Variants in COX15 observed in about 807,000 individuals in gnomAD.
COX15 encodes the protein cytochrome c oxidase assembly factor COX15, also known as heme A synthase COX15.
COX15 carries 51 observed loss-of-function variants against 51.9 expected under a neutral mutation model. The ratio of observed to expected loss-of-function variants is 0.98; its 90% CI spans 0.78 to 1.24. The LOEUF is 1.24. COX15 is among the 50% of genes most tolerant of loss of function. COX15 has a pLI of 0.00. For missense variants in COX15, 420 were observed against 501.1 expected, an observed-to-expected ratio of 0.84 and a Z score of 1.55; for synonymous variants, 188 against 190.5, an observed-to-expected ratio of 0.99 and a Z score of 0.11.
the COX15 span, chr10:99,704,696 A>C: frequency 6.2e-7 from 1 of 1,608,368 alleles, no homozygotes. Flanking sequence ...CTGGACCAGG[A>C]CTAGAGAAGC....
At chr10:99,695,876 C>G in the COX15 span, 2 of 1,332,214 alleles carry the variant, frequency 1.5e-6, no homozygotes, top group Non-Finnish European at 2.1e-6. Flanking sequence ...GAAATGAAGC[C>G]TCGTGTATTA....
the COX15 span, chr10:99,702,518 G>A: frequency 1.3e-6 from 2 of 1,568,558 alleles, no homozygotes; most frequent in Non-Finnish European, 1.7e-6. Flanking sequence ...ACAGATATCA[G>A]TGTTTTAAAT....
chr10:99,698,748 G>A, the COX15 span: 2 of 1,614,208 alleles, frequency 1.2e-6, no homozygotes, highest in Admixed American at 1.7e-5. Context: ...ATCGCCTATT[G>A]ACTTCAACAA....
At chr10:99,728,782 G>A (rs2037042365) in intron 2 of COX15, among the ~76,000 whole-genome samples, 1 of 152,176 alleles carries the variant, frequency 6.6e-6, no homozygotes, top group South Asian at 2.1e-4. Flanking sequence ...AATCTAAACT[G>A]TGCATAACCA....
chr10:99,705,089 G>C, the COX15 span: 2 of 199,598 alleles, frequency 1.0e-5, no homozygotes, highest in South Asian at 2.0e-4. Flanking sequence ...AGACATTCTA[G>C]CAAGTGCAGC....
In COX15 at chr10:99,710,943, T is replaced by C. The variant is rs2036362284; in HGVS notation, c.*3644A>G. Reference sequence around the variant, plus strand: ...GTAAGTGCAGAGAGACCTTTGAAAATATTAAGGGAAATCTATTTAATCCTA... The same window carrying C: ...GTAAGTGCAGAGAGACCTTTGAAAACATTAAGGGAAATCTATTTAATCCTA... On this transcript the variant is annotated 3_prime_UTR_variant, in exon 9 of 9. Coordinates refer to ENST00000016171, the MANE Select transcript of COX15 (RefSeq NM_078470.6). 1.0e-6 allele frequency: 1 copy of C among 985,272 alleles called. No homozygotes were observed. Among genetic ancestry groups the C allele is most frequent in the African/African-American group, 1.7e-5 (1 of 57,240 alleles). The allele number at this position is 985,272 out of a possible 1,614,324, so 61.0% of individuals were successfully genotyped here.
At chr10:99,716,006 T>TTAA (rs1291333882) in intron 8 of COX15, among the ~76,000 whole-genome samples, 1 of 142,714 alleles carries the variant, frequency 7.0e-6, no homozygotes, top group Non-Finnish European at 1.5e-5. Context: ...TTTTTTTTTT[T>TTAA]AAACAGACAG....
chr10:99,710,387 T>C, downstream of COX15: 1 of 985,434 alleles, frequency 1.0e-6, no homozygotes, highest in Non-Finnish European at 1.2e-6. Flanking sequence ...ACTCCCCCTT[T>C]ATTTCTACCT....
intron 5 of COX15, among the ~76,000 whole-genome samples, chr10:99,723,719 ATCTTTC>A (rs999234129): frequency 3.3e-4 from 50 of 152,262 alleles, no homozygotes; most frequent in African/African-American, 1.2e-3. Context: ...CTCTGTTCTG[ATCTTTC>A]TCACTTTGCC....
the COX15 span, chr10:99,696,053 G>C: frequency 6.2e-7 from 1 of 1,614,144 alleles, no homozygotes; most frequent in Non-Finnish European, 8.5e-7. Context: ...ACTTTTCTGG[G>C]TTTCGGAGGC....
intron 3 of COX15, 63 bp downstream of exon 3, chr10:99,727,378 G>C: frequency 6.3e-7 from 1 of 1,595,548 alleles, no homozygotes; most frequent in Non-Finnish European, 8.5e-7. Context: ...ATTCTGAAGG[G>C]TTTAAGTCCA....
At chr10:99,709,198 A>G, downstream of COX15, 1 of 985,434 alleles carries the variant, frequency 1.0e-6, no homozygotes, top group Non-Finnish European at 1.2e-6. Context: ...TCATTAAAGA[A>G]CTTCGTTGTA....
chr10:99,704,824 G>A, the COX15 span: 182 of 766,172 alleles, frequency 2.4e-4, 2 homozygotes, highest in South Asian at 2.5e-3. Context: ...ACTTTCTACC[G>A]TAATTCCTTC....
the COX15 span, chr10:99,700,949 A>G: frequency 6.2e-7 from 1 of 1,600,952 alleles, no homozygotes; most frequent in Non-Finnish European, 8.6e-7. Flanking sequence ...TTCATGTTGC[A>G]CTATTTCTCT....
At chr10:99,695,129 G>GA in the COX15 span, among the ~76,000 whole-genome samples, 2 of 152,102 alleles carry the variant, frequency 1.3e-5, no homozygotes, top group African/African-American at 4.8e-5. Flanking sequence ...TGAGGTTCAA[G>GA]AAAAAAATAT....
intron 8 of COX15, among the ~76,000 whole-genome samples, chr10:99,715,650 A>AG (rs2133572698): frequency 6.6e-6 from 1 of 152,246 alleles, no homozygotes; most frequent in East Asian, 1.9e-4. Context: ...AAAAAAAAAA[A>AG]AAAAAGATAT....
At chr10:99,720,541 T>C (rs1442179636) in intron 6 of COX15, among the ~76,000 whole-genome samples, 4 of 152,218 alleles carry the variant, frequency 2.6e-5, no homozygotes, top group Admixed American at 6.5e-5. Context: ...CTCTGACCCA[T>C]GTTGATGTAA....
At chr10:99,714,985 T>G (rs571882162) in intron 8 of COX15, among the ~76,000 whole-genome samples, 21 of 152,394 alleles carry the variant, frequency 1.4e-4, no homozygotes, top group African/African-American at 5.0e-4. Flanking sequence ...TGTACTTTAG[T>G]ATGTTTATAG....
chr10:99,703,423 C>T, the COX15 span, among the ~76,000 whole-genome samples: 1 of 152,210 alleles, frequency 6.6e-6, no homozygotes, highest in Admixed American at 6.5e-5. Flanking sequence ...GTTACTGTCA[C>T]ACACAAGCAC....
Sources: allele counts gnomAD v4.1 joint callset (sites outside exome capture counted in the v4.1 genomes callset), GRCh38; gene constraint gnomAD v4.1.1; transcripts MANE v1.5; gene names NCBI Gene and HGNC (gene_info 2026-07-23, HGNC 2026-07-21).